The following PRELID2 variants were observed in gnomAD, a reference collection of about 807,000 sequenced individuals.
PRELID2 encodes PRELI domain containing 2, also known as PRELI domain-containing protein 2.
PRELID2 carries 25 observed loss-of-function variants against 28.4 expected under a neutral mutation model. The observed-to-expected ratio is 0.88, with a 90% CI of 0.64 to 1.23. The LOEUF (loss-of-function observed/expected upper bound fraction) is 1.23, where lower values mean the gene tolerates loss of function less well. Ranked by LOEUF, PRELID2 falls within the 50% of genes most tolerant of loss-of-function variation. The pLI, the probability that PRELID2 is intolerant of heterozygous loss-of-function variation, is 0.00. For synonymous variants in PRELID2, 76 were observed against 71.6 expected, an observed-to-expected ratio of 1.06 and a Z score of -0.31; for missense variants, 201 against 214.4, an observed-to-expected ratio of 0.94 and a Z score of 0.39.
chr5:145,682,629 G>A (rs572788394), intron 1 of PRELID2, among the ~76,000 whole-genome samples: 1 of 152,276 alleles, frequency 6.6e-6, no homozygotes, highest in East Asian at 1.9e-4. Context: ...AAACAAGTCC[G>A]AGAATGCCAG....
At chr5:145,827,843 G>A (rs549638998) in intron 1 of PRELID2, among the ~76,000 whole-genome samples, 1 of 152,256 alleles carries the variant, frequency 6.6e-6, no homozygotes, top group African/African-American at 2.4e-5. Flanking sequence ...GTGGGGTCCT[G>A]AATTGGATGC....
chr5:145,404,064 G>T, the PRELID2 span, among the ~76,000 whole-genome samples: 3 of 152,114 alleles, frequency 2.0e-5, no homozygotes, highest in African/African-American at 2.4e-5. Context: ...GATTTGAAGC[G>T]GATTAAATAT....
chr5:145,481,112 G>A (rs544840144), intron 1 of PRELID2, among the ~76,000 whole-genome samples: 12 of 152,090 alleles, frequency 7.9e-5, no homozygotes, highest in Admixed American at 5.2e-4. Flanking sequence ...TATAATTATC[G>A]TAAGATAAAA....
chr5:145,443,848 C>T, the PRELID2 span, among the ~76,000 whole-genome samples: 1 of 151,948 alleles, frequency 6.6e-6, no homozygotes, highest in Non-Finnish European at 1.5e-5. Flanking sequence ...CCTATTTTTG[C>T]CCAGTGTCTT....
At chr5:145,567,045 A>G (rs535701360) in intron 1 of PRELID2, among the ~76,000 whole-genome samples, 7 of 152,302 alleles carry the variant, frequency 4.6e-5, no homozygotes, top group African/African-American at 1.7e-4. Context: ...TGGCCAGAGT[A>G]TATATATCAT....
chr5:145,346,542 T>A, the PRELID2 span, among the ~76,000 whole-genome samples: 2 of 152,152 alleles, frequency 1.3e-5, no homozygotes, highest in Non-Finnish European at 2.9e-5. Flanking sequence ...AACAGGGCTG[T>A]TCCATTTTAG....
chr5:145,764,311 A>AT (rs1204320241), intron 6 of PRELID2, among the ~76,000 whole-genome samples: 1 of 152,034 alleles, frequency 6.6e-6, no homozygotes, highest in Non-Finnish European at 1.5e-5. Flanking sequence ...ACCCTATACC[A>AT]TTTGCCCTAA....
chr5:145,631,133 A>T (rs1236188898), intron 1 of PRELID2, among the ~76,000 whole-genome samples: 1 of 152,184 alleles, frequency 6.6e-6, no homozygotes, highest in Non-Finnish European at 1.5e-5. Flanking sequence ...TTCCTTTCCC[A>T]GTATGCACCC....
At chr5:145,621,659 C>G (rs924348228) in intron 1 of PRELID2, among the ~76,000 whole-genome samples, 1 of 152,000 alleles carries the variant, frequency 6.6e-6, no homozygotes, top group Non-Finnish European at 1.5e-5. Flanking sequence ...TGGAAGAAGA[C>G]AGTAGAATTG....
At chr5:145,275,018 C>T in the PRELID2 span, among the ~76,000 whole-genome samples, 1 of 152,248 alleles carries the variant, frequency 6.6e-6, no homozygotes, top group Admixed American at 6.5e-5. Flanking sequence ...GTGTCCTAAA[C>T]TTCTTATAAG....
the PRELID2 span, among the ~76,000 whole-genome samples, chr5:145,442,641 T>C: frequency 6.6e-6 from 1 of 151,970 alleles, no homozygotes; most frequent in African/African-American, 2.4e-5. Context: ...ATCATTTGAT[T>C]ATGAGGTGAG....
intron 5 of PRELID2, among the ~76,000 whole-genome samples, chr5:145,793,707 T>A (rs1752546047): frequency 1.3e-5 from 2 of 152,176 alleles, no homozygotes; most frequent in Non-Finnish European, 2.9e-5. Context: ...GTAATATTCA[T>A]CAGAAACCAA....
At chr5:145,255,800 T>A in the PRELID2 span, among the ~76,000 whole-genome samples, 1 of 151,680 alleles carries the variant, frequency 6.6e-6, no homozygotes, top group Non-Finnish European at 1.5e-5. Flanking sequence ...ATATATATGT[T>A]ATTAAAACTT....
At chr5:145,463,385 G>A in the PRELID2 span, among the ~76,000 whole-genome samples, 1 of 146,268 alleles carries the variant, frequency 6.8e-6, no homozygotes, top group Non-Finnish European at 1.5e-5. Context: ...AATTGATATG[G>A]TCCTGTCTAA....
rs118078320 is a variant in PRELID2 at position 145,787,783 on chromosome 5, C to T, written c.474+8659G>A. On this transcript the variant is annotated intron_variant, in intron 5 of 6. Transcript: ENST00000683046. Reference sequence around the variant, plus strand: ...CTCAAACTCCTGAGCTCAAGTGATCCTCCCACTTCAGCGTCCCAAAGTGCT... The same window carrying T: ...CTCAAACTCCTGAGCTCAAGTGATCTTCCCACTTCAGCGTCCCAAAGTGCT... 6.3e-4 allele frequency among the ~76,000 whole-genome samples: 96 copies of T among 152,230 alleles called. 1 individual carries two copies. In the East Asian group the frequency reaches 0.016, roughly 26 times the overall value.
intron 1 of PRELID2, among the ~76,000 whole-genome samples, chr5:145,649,144 G>C (rs1290391766): frequency 6.6e-6 from 1 of 152,148 alleles, no homozygotes; most frequent in African/African-American, 2.4e-5. Context: ...AAACAATACA[G>C]TATAACAACT....
chr5:145,834,908 G>T (rs527538529), intron 1 of PRELID2: 2 of 384,704 alleles, frequency 5.2e-6, no homozygotes, highest in African/African-American at 4.1e-5. Flanking sequence ...CGGAGCTCAC[G>T]AGCTGGGATT....
chr5:145,568,650 T>C (rs139441515), intron 1 of PRELID2, among the ~76,000 whole-genome samples: 4 of 152,250 alleles, frequency 2.6e-5, no homozygotes, highest in East Asian at 1.9e-4. Context: ...AGGAGAAAGA[T>C]AGTGTTTGCT....
the PRELID2 span, among the ~76,000 whole-genome samples, chr5:145,400,367 C>T: frequency 1.3e-4 from 20 of 152,024 alleles, no homozygotes; most frequent in Non-Finnish European, 2.4e-4. Context: ...TTCTTCCCAT[C>T]GTCTGAGAGA....
Sources: allele counts gnomAD v4.1 joint callset (sites outside exome capture counted in the v4.1 genomes callset), GRCh38; gene constraint gnomAD v4.1.1; transcripts MANE v1.5; gene names NCBI Gene and HGNC (gene_info 2026-07-23, HGNC 2026-07-21).